The following HECTD4 variants were observed in gnomAD, a reference collection of about 807,000 sequenced individuals.
The protein encoded by HECTD4 is probable E3 ubiquitin-protein ligase HECTD4.
Under a neutral mutation model 471.5 loss-of-function variants are expected in HECTD4, and 114 were observed. The observed-to-expected ratio is 0.24, with a 90% CI of 0.21 to 0.28. HECTD4 has a LOEUF of 0.28. Ranked by LOEUF, HECTD4 falls within the 10% of genes least tolerant of loss-of-function variation. The pLI is 1.00. For missense variants in HECTD4, 3,866 were observed against 5,651.5 expected (o/e 0.68, Z 10.13); for synonymous variants, 2,012 against 2,256.0 (o/e 0.89, Z 3.07).
intron 7 of HECTD4, among the ~76,000 whole-genome samples, chr12:112,303,908 G>T (rs545547984): frequency 6.6e-6 from 1 of 151,386 alleles, no homozygotes; most frequent in African/African-American, 2.4e-5. Context: ...AGAAAAGAGG[G>T]AGAATTGAGA....
chr12:112,177,921 T>A (rs565126618), intron 64 of HECTD4, among the ~76,000 whole-genome samples: 1 of 152,074 alleles, frequency 6.6e-6, no homozygotes, highest in South Asian at 2.1e-4. Context: ...GGAGGAAGAG[T>A]GGCTTTTCAC....
In HECTD4 at chr12:112,270,299, A is replaced by G. The variant is rs975776560; in HGVS notation, c.2103T>C (p.Ile701=). The G allele has an allele frequency of 1.9e-6, 3 of 1,613,912 alleles. No homozygotes were observed. The highest frequency in any genetic ancestry group is 1.7e-5 in the Admixed American group (1 of 60,004). The change falls in exon 12 of 76, where the codon ATT becomes ATC. Residue 701 remains isoleucine (I), a synonymous_variant. Transcript: ENST00000682272. ...CCATGGCCTTCTCCATAATGTCACA[A>G]ATACTGCTAAGATGATGTGCTTCAA... ...HPIEAHHLSS[I]CDIMEKAMVN...
At chr12:112,363,992 C>CAAAAAAA in intron 1 of HECTD4, among the ~76,000 whole-genome samples, 1 of 52,882 alleles carries the variant, frequency 1.9e-5, no homozygotes, top group Non-Finnish European at 3.5e-5. Flanking sequence ...ACTCAATCTC[C>CAAAAAAA]AAAAAAAAAA....
intron 21 of HECTD4, 39 bp downstream of exon 21, chr12:112,256,281 A>C (rs776280682): frequency 1.7e-5 from 23 of 1,342,844 alleles, no homozygotes; most frequent in East Asian, 2.5e-5. Flanking sequence ...GAATCAGCTT[A>C]CTCGAGGTGG....
intron 38 of HECTD4, among the ~76,000 whole-genome samples, chr12:112,232,398 G>A (rs949839974): frequency 6.6e-6 from 1 of 152,164 alleles, no homozygotes; most frequent in Admixed American, 6.5e-5. Flanking sequence ...TCAAAGTGCT[G>A]GGATTACAGG....
At position 112,193,733 on chromosome 12, in the gene HECTD4, G is replaced by A. The variant is rs542876280; in HGVS notation, c.8750-59C>T. 5.3e-5 allele frequency: 78 copies of A among 1,474,418 alleles called. No homozygotes were observed. In the African/African-American group the frequency reaches 9.6e-4, roughly 18 times the overall value. The allele number at this position is 1,474,418 out of a possible 1,614,324, so 91.3% of individuals were successfully genotyped here. The stretch of plus-strand genomic sequence containing the variant: ...ATCAAAGCAGCCAGTAGCTGTGAGA[G>A]TCTAAGTAACAGAAAATGAATAACC... On this transcript the variant is annotated intron_variant, in intron 56 of 75. Coordinates refer to ENST00000682272, the MANE Select transcript of HECTD4 (RefSeq NM_001388303.1). The surrounding 1 kb of genome is among the most constrained non-coding windows in gnomAD (Gnocchi z 5.2).
intron 7 of HECTD4, chr12:112,301,982 T>A: frequency 2.3e-6 from 2 of 872,646 alleles, no homozygotes; most frequent in Non-Finnish European, 3.8e-6. Flanking sequence ...GATCTCATCG[T>A]ATCTGTCATT....
chr12:112,372,437 T>A (rs1024316784), intron 1 of HECTD4, among the ~76,000 whole-genome samples: 1 of 151,624 alleles, frequency 6.6e-6, no homozygotes, highest in African/African-American at 2.4e-5. Context: ...TTTTTTGTAT[T>A]TTTTTAGTAG....
intron 70 of HECTD4, 82 bp downstream of exon 70, chr12:112,169,421 A>T: frequency 7.0e-7 from 1 of 1,421,354 alleles, no homozygotes; most frequent in East Asian, 2.5e-5. Flanking sequence ...ACTCTTGGAA[A>T]TGGAGGTCTT....
At chr12:112,164,046 G>A in intron 73 of HECTD4, 63 bp downstream of exon 73, 1 of 1,370,418 alleles carries the variant, frequency 7.3e-7, no homozygotes, top group Non-Finnish European at 9.5e-7. Flanking sequence ...AGATGCTGCT[G>A]TCATACCCTG....
intron 58 of HECTD4, 84 bp from the exon 59 acceptor site, chr12:112,192,849 C>T (rs1431084958): frequency 1.2e-5 from 15 of 1,288,678 alleles, no homozygotes; most frequent in Non-Finnish European, 1.5e-5. Context: ...CACCAGGGGA[C>T]GTTAGATGAG....
chr12:112,271,342 A>G (rs2034408766), intron 11 of HECTD4, among the ~76,000 whole-genome samples: 1 of 152,194 alleles, frequency 6.6e-6, no homozygotes, highest in Admixed American at 6.5e-5. Flanking sequence ...CCTTCCCTTC[A>G]GTGTGGTCGA....
At chr12:112,310,120 T>G (rs75969178) in intron 4 of HECTD4, among the ~76,000 whole-genome samples, 2 of 152,306 alleles carry the variant, frequency 1.3e-5, no homozygotes, top group East Asian at 3.9e-4. Context: ...AACGTCAGTT[T>G]CTTCATCTGT....
At chr12:112,279,157 T>C (rs2034585520) in intron 9 of HECTD4, 71 bp downstream of exon 9, 1 of 1,363,556 alleles carries the variant, frequency 7.3e-7, no homozygotes, top group African/African-American at 1.5e-5. Context: ...TTTTAAATAA[T>C]TAATAGGAAA....
At chr12:112,211,456 A>T (rs1295087763) in intron 49 of HECTD4, among the ~76,000 whole-genome samples, 1 of 152,048 alleles carries the variant, frequency 6.6e-6, no homozygotes, top group Non-Finnish European at 1.5e-5. Flanking sequence ...TGACATTCCA[A>T]CTAACATCTT....
chr12:112,320,928 C>T (rs1224387786), intron 1 of HECTD4, among the ~76,000 whole-genome samples: 1 of 151,780 alleles, frequency 6.6e-6, no homozygotes, highest in Admixed American at 6.6e-5. Flanking sequence ...CTCACTGCAA[C>T]CTCCACCTCC....
intron 11 of HECTD4, among the ~76,000 whole-genome samples, chr12:112,271,359 C>CA (rs1332976440): frequency 6.6e-6 from 1 of 152,086 alleles, no homozygotes; most frequent in Non-Finnish European, 1.5e-5. Context: ...TCGAGACTAA[C>CA]AGAGTGTGGA....
At chr12:112,212,459 G>A in intron 49 of HECTD4, 28 bp downstream of exon 49, 1 of 1,578,494 alleles carries the variant, frequency 6.3e-7, no homozygotes, top group South Asian at 1.1e-5. Flanking sequence ...AGGAGAATTT[G>A]TTTTCCTTTC....
At chr12:112,248,003 C>CAT in intron 27 of HECTD4, 64 bp downstream of exon 27, 1 of 1,133,566 alleles carries the variant, frequency 8.8e-7, no homozygotes, top group East Asian at 2.5e-5. Flanking sequence ...CACACACACA[C>CAT]ACAGTATATA....
Sources: allele counts gnomAD v4.1 joint callset (sites outside exome capture counted in the v4.1 genomes callset), GRCh38; gene constraint gnomAD v4.1.1; non-coding constraint Gnocchi (gnomAD v3.1); transcripts MANE v1.5; gene names NCBI Gene and HGNC (gene_info 2026-07-23, HGNC 2026-07-21).